Variants in TRHDE observed in about 807,000 individuals in gnomAD.
The protein encoded by TRHDE is thyrotropin-releasing hormone-degrading ectoenzyme.
Under a neutral mutation model 125.7 loss-of-function variants are expected in TRHDE, and 72 were observed. The observed-to-expected ratio is 0.57, with a 90% CI of 0.47 to 0.70. The LOEUF is 0.70. Among genes scored for constraint, TRHDE ranks in the 30% least tolerant of loss-of-function variants. The probability of loss-of-function intolerance (pLI) is 0.00; values close to 1 mark genes in which losing one functional copy is unlikely to be tolerated. For missense variants in TRHDE, 1,110 were observed against 1,327.1 expected (o/e 0.84, Z 2.54); for synonymous variants, 509 against 509.1 (o/e 1.00, Z 0.00).
rs150935666 is a variant in TRHDE, at chr12:72,471,376, C to A, written c.1470+1464C>A. On this transcript the variant is annotated intron_variant, in intron 4 of 18. Coordinates refer to ENST00000261180, the MANE Select transcript of TRHDE (RefSeq NM_013381.3). ...AATTATTTGAGACAAAAGCAGTTTC[C>A]TTTTTGAATGCTCCTATAAATGACA... Among the ~76,000 whole-genome samples, 1,176 of 152,170 alleles carry A rather than the reference C, an allele frequency of 7.7e-3. 17 individuals are homozygous for A. Among genetic ancestry groups the A allele is most frequent in the African/African-American group, 0.027 (1,136 of 41,490 alleles).
At chr12:72,142,742 TG>T (rs1166714452) in intron 2 of TRHDE, among the ~76,000 whole-genome samples, 2 of 151,916 alleles carry the variant, frequency 1.3e-5, no homozygotes, top group Non-Finnish European at 2.9e-5. Flanking sequence ...GATGGCAGAA[TG>T]ACATGGCAGA....
chr12:72,434,388 C>CAA (rs34254660), intron 3 of TRHDE, among the ~76,000 whole-genome samples: 1,882 of 81,764 alleles, frequency 0.023, 25 homozygotes, highest in Middle Eastern at 0.043. Flanking sequence ...CTCTATGTCT[C>CAA]AAAAAAAAAA....
intron 2 of TRHDE, among the ~76,000 whole-genome samples, chr12:72,299,062 G>C (rs1362861671): frequency 2.0e-5 from 3 of 152,116 alleles, no homozygotes; most frequent in African/African-American, 7.2e-5. Context: ...ATATTCTAAA[G>C]GTTGATGTCA....
intron 5 of TRHDE, among the ~76,000 whole-genome samples, chr12:72,495,607 AC>A (rs1877882252): frequency 6.6e-6 from 1 of 151,970 alleles, no homozygotes; most frequent in African/African-American, 2.4e-5. Context: ...GTTTATCTGT[AC>A]TTTTTTGTAC....
chr12:72,414,821 A>T (rs773145185), intron 3 of TRHDE, among the ~76,000 whole-genome samples: 1 of 152,158 alleles, frequency 6.6e-6, no homozygotes, highest in African/African-American at 2.4e-5. Flanking sequence ...CTCTTTACAT[A>T]CATTAAACCA....
chr12:72,300,912 G>A (rs1868252575), intron 2 of TRHDE, among the ~76,000 whole-genome samples: 1 of 151,984 alleles, frequency 6.6e-6, no homozygotes, highest in African/African-American at 2.4e-5. Flanking sequence ...CTGAGTAGAT[G>A]GTGCATTAGC....
intron 5 of TRHDE, among the ~76,000 whole-genome samples, chr12:72,491,003 A>T (rs1248966551): frequency 1.3e-5 from 2 of 151,560 alleles, no homozygotes; most frequent in Non-Finnish European, 3.0e-5. Flanking sequence ...AAAAAAAAAA[A>T]AAAAAATAGA....
At chr12:72,200,495 A>G (rs1360047474) in intron 2 of TRHDE, among the ~76,000 whole-genome samples, 1 of 152,128 alleles carries the variant, frequency 6.6e-6, no homozygotes, top group African/African-American at 2.4e-5. Context: ...ATTTTTTTTG[A>G]TAATGGTTTA....
At chr12:72,614,397 T>C (rs1872742530) in intron 12 of TRHDE, among the ~76,000 whole-genome samples, 1 of 150,528 alleles carries the variant, frequency 6.6e-6, no homozygotes, top group Non-Finnish European at 1.5e-5. Context: ...CTGTGTTTTT[T>C]CCCTTTTATT....
chr12:72,390,377 T>C (rs1872574169), intron 3 of TRHDE, among the ~76,000 whole-genome samples: 1 of 152,142 alleles, frequency 6.6e-6, no homozygotes, highest in Non-Finnish European at 1.5e-5. Flanking sequence ...GGGAGGAACA[T>C]TTCATTAAAG....
At chr12:72,621,977 G>T (rs1873073533) in intron 15 of TRHDE, among the ~76,000 whole-genome samples, 1 of 151,948 alleles carries the variant, frequency 6.6e-6, no homozygotes, top group South Asian at 2.1e-4. Flanking sequence ...ATTAATTTAG[G>T]TCTTTATTTT....
chr12:72,596,329 G>A (rs567560435), intron 12 of TRHDE, among the ~76,000 whole-genome samples: 21 of 151,988 alleles, frequency 1.4e-4, no homozygotes, highest in African/African-American at 4.6e-4. Flanking sequence ...AAAATTCTTC[G>A]TCAAATCATA....
At chr12:72,375,396 A>G (rs1258689084) in intron 2 of TRHDE, among the ~76,000 whole-genome samples, 1 of 152,198 alleles carries the variant, frequency 6.6e-6, no homozygotes, top group East Asian at 1.9e-4. Flanking sequence ...CTTCTTGCTT[A>G]AATTGGATCA....
chr12:72,259,979 TGTGA>T (rs1228424543), intron 2 of TRHDE, among the ~76,000 whole-genome samples: 1 of 152,240 alleles, frequency 6.6e-6, no homozygotes, highest in African/African-American at 2.4e-5. Flanking sequence ...AGTTATAGCA[TGTGA>T]GTATTTTATT....
At chr12:72,172,427 C>A (rs1049260357) in intron 2 of TRHDE, among the ~76,000 whole-genome samples, 3 of 152,086 alleles carry the variant, frequency 2.0e-5, no homozygotes, top group African/African-American at 4.8e-5. Flanking sequence ...ATGAGGCAAC[C>A]AAGTTTAACT....
chr12:72,540,399 G>C (rs1011188155), intron 6 of TRHDE, among the ~76,000 whole-genome samples: 3 of 151,566 alleles, frequency 2.0e-5, no homozygotes, highest in Non-Finnish European at 4.4e-5. Context: ...CAGGAAAATT[G>C]GTACATTCTT....
At chr12:72,092,929 C>T (rs1463161457) in intron 1 of TRHDE, among the ~76,000 whole-genome samples, 4 of 152,126 alleles carry the variant, frequency 2.6e-5, no homozygotes, top group Admixed American at 6.5e-5. Context: ...TCTTAGCCTC[C>T]CCAAGGCTTC....
intron 2 of TRHDE, among the ~76,000 whole-genome samples, chr12:72,186,835 G>T (rs988663837): frequency 1.3e-5 from 2 of 151,490 alleles, no homozygotes; most frequent in African/African-American, 4.9e-5. Context: ...CTTTATTGGC[G>T]TGGGGGGTAG....
intron 2 of TRHDE, among the ~76,000 whole-genome samples, chr12:72,232,537 A>T (rs894502572): frequency 6.6e-6 from 1 of 152,154 alleles, no homozygotes; most frequent in Non-Finnish European, 1.5e-5. Context: ...GCGAGGGCCC[A>T]GATAACAGAG....
Sources: gnomAD v4.1 joint callset for allele counts (sites outside exome capture counted in the v4.1 genomes callset) on GRCh38, gnomAD v4.1.1 for gene constraint, MANE v1.5 for transcripts, NCBI Gene and HGNC (gene_info 2026-07-23, HGNC 2026-07-21) for gene names.